Variants in JMJD1C observed in about 807,000 individuals in gnomAD.
JMJD1C encodes jumonji domain containing 1C, also known as jumonji domain-containing protein 1C.
In JMJD1C, 31 loss-of-function variants were observed where a neutral mutation model predicts 245.3. The observed-to-expected ratio is 0.13, with a 90% confidence interval of 0.09 to 0.17. The LOEUF (loss-of-function observed/expected upper bound fraction) is 0.17. Among genes scored for constraint, JMJD1C ranks in the 10% least tolerant of loss-of-function variants. The pLI is 1.00. For missense variants in JMJD1C, 2,691 were observed against 3,000.2 expected (o/e 0.90, Z 2.41); for synonymous variants, 1,057 against 1,017.4 (o/e 1.04, Z -0.74).
intron 1 of JMJD1C, among the ~76,000 whole-genome samples, chr10:63,430,133 G>A (rs1348700400): frequency 6.6e-6 from 1 of 152,110 alleles, no homozygotes; most frequent in Non-Finnish European, 1.5e-5. Flanking sequence ...GGGACAACTG[G>A]GTTTCCATAT....
At chr10:63,232,964 G>C (rs1564651976) in intron 3 of JMJD1C, among the ~76,000 whole-genome samples, 4 of 151,968 alleles carry the variant, frequency 2.6e-5, no homozygotes, top group Admixed American at 2.0e-4. Context: ...CACAATTCTT[G>C]GGAACTCAAA....
At chr10:63,351,423 C>T (rs766233155) in intron 2 of JMJD1C, among the ~76,000 whole-genome samples, 7 of 152,092 alleles carry the variant, frequency 4.6e-5, no homozygotes, top group South Asian at 2.1e-4. Context: ...CATAATCTAA[C>T]GTGAATAATT....
intron 2 of JMJD1C, among the ~76,000 whole-genome samples, chr10:63,345,347 C>T (rs1369016510): frequency 2.0e-5 from 3 of 151,908 alleles, no homozygotes; most frequent in Non-Finnish European, 2.9e-5. Flanking sequence ...ATTAGCCGGG[C>T]GTGGTGGCAG....
At position 63,207,722 on chromosome 10, in the gene JMJD1C, T is replaced by A; in HGVS notation, c.3947A>T (p.Asp1316Val). The A allele has an allele frequency of 6.2e-7, 1 of 1,614,190 alleles. No homozygotes were observed. Among genetic ancestry groups the A allele is most frequent in the African/African-American group, 1.3e-5 (1 of 75,068 alleles). The change falls in exon 10 of 26, where the codon GAT becomes GTT. Residue 1316 changes from aspartate to valine, a missense_variant. By Grantham distance (152) the Asp-to-Val change is radical. Transcript: ENST00000399262. ...AGCTAACTGCATTGCTGGCATACTA[T>A]CAGTTTTTGTACTAGAAGATGGACG... ...IVRPSSSTKT[D>V]SMPAMQLASK... is the part of the protein sequence containing the mutation.
chr10:63,294,197 A>T (rs540383204), intron 2 of JMJD1C, among the ~76,000 whole-genome samples: 6 of 151,980 alleles, frequency 3.9e-5, no homozygotes, highest in African/African-American at 1.4e-4. Context: ...TGCGTATCTC[A>T]CATCCTTAAA....
At position 63,208,868 on chromosome 10, in the gene JMJD1C, T is replaced by C. The variant is rs73290405; in HGVS notation, c.2868-67A>G. ...CTGCAAAATACAAAGACAGCTTCTA[T>C]GCAATATCATTCTATTATGAAAGTA... is the stretch of plus-strand genomic sequence containing the variant. On this transcript the variant is annotated intron_variant, in intron 9 of 25. Transcript: ENST00000399262. 1.5e-3 allele frequency: 1,921 copies of C among 1,261,290 alleles called. 14 individuals are homozygous for C. The African/African-American group carries it at 0.024, about 16-fold the overall frequency. 78.1% of individuals were successfully genotyped at this position (1,261,290 alleles called of 1,614,324 possible).
chr10:63,383,212 T>C (rs1215786943), intron 1 of JMJD1C, among the ~76,000 whole-genome samples: 1 of 28,158 alleles, frequency 3.6e-5, no homozygotes, highest in Non-Finnish European at 7.4e-5. Flanking sequence ...ACTAGGAAGC[T>C]TCTTTAAAAA....
intron 2 of JMJD1C, chr10:63,358,764 T>C (rs894289906): frequency 6.5e-6 from 1 of 152,826 alleles, no homozygotes; most frequent in African/African-American, 2.4e-5. Context: ...AATACCTCCA[T>C]AACCCAGGGG....
At chr10:63,425,646 G>A (rs1950396595) in intron 1 of JMJD1C, among the ~76,000 whole-genome samples, 2 of 152,124 alleles carry the variant, frequency 1.3e-5, no homozygotes, top group African/African-American at 4.8e-5. Context: ...AGCCAGGCAT[G>A]GTTGTGCACA....
chr10:63,437,071 T>G (rs1332045550), intron 1 of JMJD1C, among the ~76,000 whole-genome samples: 2 of 152,188 alleles, frequency 1.3e-5, no homozygotes, highest in Non-Finnish European at 2.9e-5. Context: ...GAATGCATCT[T>G]AGTTTTCCAG....
intron 2 of JMJD1C, among the ~76,000 whole-genome samples, chr10:63,317,842 G>C (rs1940292314): frequency 2.0e-5 from 3 of 152,002 alleles, no homozygotes; most frequent in Non-Finnish European, 4.4e-5. Context: ...AAAGGTCACT[G>C]ATCTTTTTTC....
intron 1 of JMJD1C, chr10:63,427,263 C>G: frequency 5.1e-6 from 1 of 194,298 alleles, no homozygotes; most frequent in East Asian, 1.4e-4. Context: ...AACACCTGGT[C>G]CCAGGAACTC....
At chr10:63,281,455 G>C (rs1162524942) in intron 2 of JMJD1C, among the ~76,000 whole-genome samples, 2 of 117,680 alleles carry the variant, frequency 1.7e-5, no homozygotes, top group Non-Finnish European at 3.4e-5. Context: ...CACTGCGCCT[G>C]GCCTTTTTTT....
At chr10:63,380,218 A>G (rs1947104336) in intron 2 of JMJD1C, 100 bp downstream of exon 2, 2 of 1,160,446 alleles carry the variant, frequency 1.7e-6, no homozygotes, top group Non-Finnish European at 2.6e-6. Context: ...TGCTAGTTTT[A>G]CAGGTGTCAG....
Position 63,208,419 on chromosome 10 carries a change from C to G in JMJD1C, c.3250G>C (p.Val1084Leu), listed in dbSNP as rs200952020. 2 of 1,613,988 alleles carry G rather than the reference C, an allele frequency of 1.2e-6. No homozygotes were observed. Among genetic ancestry groups the G allele is most frequent in the African/African-American group, 2.7e-5 (2 of 75,016 alleles). Reference protein sequence around the residue: ...VSDLYKMKHSVPQSLPQSNYF... With the variant: ...VSDLYKMKHSLPQSLPQSNYF... ...TTACTTTGGGGTAAACTCTGAGGCA[C>G]TGAGTGCTTCATTTTATAAAGATCT... Residue 1084 changes from valine to leucine, a missense_variant, in exon 10 of 26, where the codon GTG (valine) becomes CTG (leucine). By Grantham distance (32) the Val-to-Leu change is conservative. Around this residue, in one of 9 missense-constraint regions of JMJD1C, gnomAD observed 1,562 missense variants for 1,490.7 expected, o/e 1.05. Transcript: ENST00000399262.
intron 1 of JMJD1C, chr10:63,427,517 T>C: frequency 7.4e-7 from 1 of 1,344,162 alleles, no homozygotes; most frequent in Non-Finnish European, 1.1e-6. Flanking sequence ...CCTGCCAATG[T>C]TCTTCATTCA....
intron 16 of JMJD1C, among the ~76,000 whole-genome samples, chr10:63,192,630 G>T (rs1418072035): frequency 2.0e-5 from 3 of 152,168 alleles, no homozygotes; most frequent in Non-Finnish European, 4.4e-5. Context: ...AGCTATTTGG[G>T]AGGCTGAACT....
chr10:63,415,851 A>G (rs1298127558), intron 1 of JMJD1C, among the ~76,000 whole-genome samples: 1 of 152,176 alleles, frequency 6.6e-6, no homozygotes, highest in Non-Finnish European at 1.5e-5. Context: ...TCATCACTTC[A>G]TTCTTAAACA....
intron 1 of JMJD1C, among the ~76,000 whole-genome samples, chr10:63,443,592 G>A (rs917763024): frequency 7.2e-5 from 11 of 152,194 alleles, no homozygotes; most frequent in African/African-American, 2.4e-4. Context: ...GATTACAGGC[G>A]TGAGCCACTG....
Sources: gnomAD v4.1 joint callset for allele counts (sites outside exome capture counted in the v4.1 genomes callset) on GRCh38, gnomAD v4.1.1 for gene constraint, gnomAD v4.1.1 regional missense constraint, MANE v1.5 for transcripts, NCBI Gene and HGNC (gene_info 2026-07-23, HGNC 2026-07-21) for gene names.